LRRTM4: variants seen among roughly 807,000 people sequenced by gnomAD.
The protein encoded by LRRTM4 is leucine-rich repeat transmembrane neuronal protein 4.
A neutral mutation model predicts 47.6 loss-of-function variants in LRRTM4; 25 were observed. The ratio of observed to expected loss-of-function variants is 0.53; its 90% CI spans 0.38 to 0.73. The LOEUF (loss-of-function observed/expected upper bound fraction) is 0.73. Among genes scored for constraint, LRRTM4 ranks in the 30% least tolerant of loss-of-function variants. LRRTM4 has a pLI of 0.00. For synonymous variants in LRRTM4, 311 were observed against 269.5 expected (o/e 1.15, Z -1.51); for missense variants, 638 against 713.4 (o/e 0.89, Z 1.20).
intron 3 of LRRTM4, among the ~76,000 whole-genome samples, chr2:76,790,763 A>G (rs561682976): frequency 6.6e-6 from 1 of 151,944 alleles, no homozygotes; most frequent in South Asian, 2.1e-4. Context: ...GTTGATGTAA[A>G]TCTACTCTTT....
Position 76,748,043 on chromosome 2 carries a change from T to G in LRRTM4, c.*652A>C, listed in dbSNP as rs931486180. On this transcript the variant is annotated 3_prime_UTR_variant, in exon 4 of 4. Transcript: ENST00000409884. ...TGAAGGGTCATTCACCCAGACTTAT[T>G]GGGTTTTCCAGTAGTTTTGTCAAAC... 6.6e-6 allele frequency: 1 copy of G among 152,486 alleles called. No homozygotes were observed. The highest frequency in any genetic ancestry group is 2.4e-5 in the African/African-American group (1 of 41,454). 9.4% of individuals were successfully genotyped at this position (152,486 alleles called of 1,614,324 possible). A position where few individuals can be genotyped will look rare whatever the true frequency, so the allele number is the denominator to read the frequency against.
Position 77,013,507 on chromosome 2 carries a change from A to G in LRRTM4, c.1552-264591T>C, listed in dbSNP as rs63272962. On this transcript the variant is annotated intron_variant, in intron 3 of 3. Coordinates refer to ENST00000409884, the MANE Select transcript of LRRTM4 (RefSeq NM_001134745.3). Reference sequence around the variant, plus strand: ...GCCTGAGAGAGTCTGAAACACTGTTAAAAAAAAAAAAAAGTGAAGTGAGTA... The same window carrying G: ...GCCTGAGAGAGTCTGAAACACTGTTGAAAAAAAAAAAAAGTGAAGTGAGTA... Among the ~76,000 whole-genome samples, 153 of 33,666 alleles carry G rather than the reference A, an allele frequency of 4.5e-3. No individual in the cohort carries two copies. The African/African-American group carries it at 0.053, about 12-fold the overall frequency. 22.1% of individuals were successfully genotyped at this position (33,666 alleles called of 152,430 possible).
chr2:77,050,480 CTAACTT>C (rs1225161635), intron 3 of LRRTM4, among the ~76,000 whole-genome samples: 2 of 152,136 alleles, frequency 1.3e-5, no homozygotes, highest in African/African-American at 4.8e-5. Context: ...TCTATGGAAT[CTAACTT>C]TAAAGATCCA....
chr2:77,477,134 G>A (rs1677431655), intron 3 of LRRTM4, among the ~76,000 whole-genome samples: 1 of 152,098 alleles, frequency 6.6e-6, no homozygotes, highest in Non-Finnish European at 1.5e-5. Context: ...AAGACAGAGT[G>A]TAGACCATAT....
intron 3 of LRRTM4, among the ~76,000 whole-genome samples, chr2:77,025,093 T>G (rs1230581612): frequency 1.3e-5 from 2 of 152,152 alleles, no homozygotes; most frequent in Non-Finnish European, 2.9e-5. Flanking sequence ...TAGTGGGAAT[T>G]TATATCACTC....
At chr2:76,996,551 C>A (rs999285547) in intron 3 of LRRTM4, among the ~76,000 whole-genome samples, 1 of 102,648 alleles carries the variant, frequency 9.7e-6, no homozygotes, top group African/African-American at 6.0e-5. Context: ...AGTAAAAATT[C>A]ACAGGAAAAA....
At chr2:77,223,098 GA>G (rs1182980147) in intron 3 of LRRTM4, among the ~76,000 whole-genome samples, 2 of 151,368 alleles carry the variant, frequency 1.3e-5, no homozygotes, top group African/African-American at 2.4e-5. Flanking sequence ...CAGAACCAAA[GA>G]AAAAAAACCA....
At chr2:77,250,839 C>T (rs1014528722) in intron 3 of LRRTM4, among the ~76,000 whole-genome samples, 1 of 152,088 alleles carries the variant, frequency 6.6e-6, no homozygotes, top group Admixed American at 6.6e-5. Flanking sequence ...CGTGATGGCT[C>T]ACGCCTGTAA....
intron 3 of LRRTM4, among the ~76,000 whole-genome samples, chr2:77,500,599 T>C (rs1678537852): frequency 6.6e-6 from 1 of 151,660 alleles, no homozygotes; most frequent in Non-Finnish European, 1.5e-5. Context: ...AGTATTCTCC[T>C]GCACACTTGA....
chr2:77,029,477 G>A (rs556705021), intron 3 of LRRTM4, among the ~76,000 whole-genome samples: 1 of 152,198 alleles, frequency 6.6e-6, no homozygotes, highest in South Asian at 2.1e-4. Context: ...CAGGAAGCAT[G>A]CAGCATGGGA....
intron 3 of LRRTM4, among the ~76,000 whole-genome samples, chr2:76,890,092 A>ATGAAAAGAAAT (rs1673203792): frequency 6.6e-6 from 1 of 151,866 alleles, no homozygotes; most frequent in South Asian, 2.1e-4. Flanking sequence ...ACTGTAGCAC[A>ATGAAAAGAAAT]CACACTATCA....
At chr2:77,374,143 G>T (rs1018512240) in intron 3 of LRRTM4, among the ~76,000 whole-genome samples, 1 of 151,772 alleles carries the variant, frequency 6.6e-6, no homozygotes, top group Admixed American at 6.6e-5. Flanking sequence ...GCACAGTCAA[G>T]AGTATAGGAA....
At chr2:77,005,200 A>G (rs1677593306) in intron 3 of LRRTM4, among the ~76,000 whole-genome samples, 1 of 152,128 alleles carries the variant, frequency 6.6e-6, no homozygotes, top group African/African-American at 2.4e-5. Context: ...GCTGGAGTAC[A>G]GTGGCATGAT....
At chr2:76,763,537 G>C (rs1309188811) in intron 3 of LRRTM4, among the ~76,000 whole-genome samples, 6 of 152,192 alleles carry the variant, frequency 3.9e-5, no homozygotes, top group African/African-American at 1.4e-4. Flanking sequence ...CCGGCTTCCA[G>C]AACTGTAAGG....
intron 3 of LRRTM4, among the ~76,000 whole-genome samples, chr2:77,510,593 A>C (rs982357637): frequency 6.6e-6 from 1 of 152,100 alleles, no homozygotes; most frequent in African/African-American, 2.4e-5. Context: ...CTCCAAAATT[A>C]GTGTCTATGT....
chr2:76,774,326 G>T (rs983983236), intron 3 of LRRTM4, among the ~76,000 whole-genome samples: 2 of 151,714 alleles, frequency 1.3e-5, no homozygotes, highest in Non-Finnish European at 2.9e-5. Flanking sequence ...CTAGTAGCTG[G>T]GATTACAGGC....
intron 3 of LRRTM4, among the ~76,000 whole-genome samples, chr2:77,133,622 C>A (rs546136131): frequency 6.5e-4 from 99 of 152,086 alleles, no homozygotes; most frequent in African/African-American, 2.3e-3. Context: ...TTAAAAAAAT[C>A]AGCTGTGTAG....
chr2:76,936,161 C>G (rs1382683855), intron 3 of LRRTM4, among the ~76,000 whole-genome samples: 1 of 152,034 alleles, frequency 6.6e-6, no homozygotes, highest in African/African-American at 2.4e-5. Context: ...TGGCACTGTT[C>G]ACAATAGCAA....
intron 3 of LRRTM4, among the ~76,000 whole-genome samples, chr2:77,428,644 T>C (rs891375024): frequency 4.6e-5 from 7 of 152,198 alleles, no homozygotes; most frequent in African/African-American, 1.4e-4. Context: ...TGGATAACTG[T>C]TTAAAACTTA....
Sources: allele counts gnomAD v4.1 joint callset (sites outside exome capture counted in the v4.1 genomes callset), GRCh38; gene constraint gnomAD v4.1.1; transcripts MANE v1.5; gene names NCBI Gene and HGNC (gene_info 2026-07-23, HGNC 2026-07-21).